The following TNRC6C variants were observed in gnomAD, a reference collection of about 807,000 sequenced individuals.
TNRC6C encodes trinucleotide repeat-containing gene 6C protein.
TNRC6C carries 20 observed loss-of-function variants against 153.7 expected under a neutral mutation model. The ratio of observed to expected loss-of-function variants is 0.13; its 90% CI spans 0.09 to 0.19. The LOEUF is 0.19. Ranked by LOEUF, TNRC6C falls within the 10% of genes least tolerant of loss-of-function variation. TNRC6C has a pLI of 1.00. For synonymous variants in TNRC6C, 811 were observed against 841.4 expected, an observed-to-expected ratio of 0.96 and a Z score of 0.63; for missense variants, 1,987 against 2,172.0, an observed-to-expected ratio of 0.91 and a Z score of 1.69.
At chr17:77,985,706 G>A (rs1202803554) in intron 1 of TNRC6C, among the ~76,000 whole-genome samples, 2 of 152,112 alleles carry the variant, frequency 1.3e-5, no homozygotes, top group Non-Finnish European at 1.5e-5. Context: ...GGTTAATCGG[G>A]CCTACTTGGA....
rs1391867684 is a variant in TNRC6C at position 78,079,176 on chromosome 17, G to A, written c.3211-219G>A. Among the ~76,000 whole-genome samples the A allele has an allele frequency of 6.6e-6, 1 of 151,976 alleles. No individual in the cohort carries two copies. Among genetic ancestry groups the A allele is most frequent in the Non-Finnish European group, 1.5e-5 (1 of 68,008 alleles). On this transcript the variant is annotated intron_variant, in intron 9 of 19. Coordinates refer to ENST00000301624, the Ensembl canonical transcript of TNRC6C. This position sits in a 1 kb window ranked among gnomAD's most constrained non-coding sequence, Gnocchi z 4.3. ...AGGCAGGAGAATCACTTGGACCCAGGAGGCAGAGGCTACAGTGAGCCAAGA... is the reference window on the plus strand; with the variant it reads ...AGGCAGGAGAATCACTTGGACCCAGAAGGCAGAGGCTACAGTGAGCCAAGA...
exon 3 of TNRC6C, chr17:78,051,357 CACT>C: frequency 1.3e-6 from 2 of 1,551,262 alleles, no homozygotes; most frequent in South Asian, 2.4e-5. Flanking sequence ...CCACCACCAC[CACT>C]ACCACGAGCA....
Position 78,075,144 on chromosome 17 carries a change from C to T in TNRC6C, c.2926C>T (p.Leu976=). ...TGTTTGTTGTGCTCCAGGCGCTCTGCTGGAAAAGAAGGTGGACGTGGACAA... is the reference window on the plus strand; with the variant it reads ...TGTTTGTTGTGCTCCAGGCGCTCTGTTGGAAAAGAAGGTGGACGTGGACAA... Residue 976 remains leucine, a synonymous_variant, in exon 8 of 20, where the codon CTG becomes TTG. Transcript: ENST00000301624. The surrounding 1 kb of genome is among the most constrained non-coding windows in gnomAD (Gnocchi z 4.2). 6.2e-7 allele frequency: 1 copy of T among 1,613,404 alleles called. No homozygotes were observed.
chr17:77,967,401 C>G, intron 1 of TNRC6C, among the ~76,000 whole-genome samples: 1 of 151,070 alleles, frequency 6.6e-6, no homozygotes, highest in African/African-American at 2.4e-5. Flanking sequence ...ACAAGTCATG[C>G]GGGGGGGGAG....
chr17:78,092,637 T>C (rs964055942), intron 14 of TNRC6C, among the ~76,000 whole-genome samples: 3 of 152,148 alleles, frequency 2.0e-5, no homozygotes, highest in African/African-American at 7.2e-5. Flanking sequence ...TCCAGCTACT[T>C]GGGAGGCCAA....
chr17:78,100,770 C>CTTTTTTTTTTT (rs56816459), intron 17 of TNRC6C, among the ~76,000 whole-genome samples: 2 of 104,026 alleles, frequency 1.9e-5, no homozygotes, highest in African/African-American at 7.7e-5. Flanking sequence ...ATGGGATTTC[C>CTTTTTTTTTTT]TTTTTTTTTT....
intron 1 of TNRC6C, among the ~76,000 whole-genome samples, chr17:77,984,751 CTG>C (rs2071135708): frequency 6.6e-6 from 1 of 152,180 alleles, no homozygotes; most frequent in Admixed American, 6.5e-5. Context: ...TACTCTCTAG[CTG>C]TGTGTTCTGT....
intron 1 of TNRC6C, among the ~76,000 whole-genome samples, chr17:78,015,990 A>C (rs2071720362): frequency 6.6e-6 from 1 of 152,158 alleles, no homozygotes; most frequent in Non-Finnish European, 1.5e-5. Flanking sequence ...TATAGAAACT[A>C]CTCTAGCTGT....
At chr17:78,042,361 A>G (rs80168456) in intron 2 of TNRC6C, among the ~76,000 whole-genome samples, 2,307 of 152,172 alleles carry the variant, frequency 0.015, 68 homozygotes, top group African/African-American at 0.053. Flanking sequence ...CTTACTGTTT[A>G]TTAGTTACAA....
intron 14 of TNRC6C, among the ~76,000 whole-genome samples, chr17:78,092,123 T>C (rs1462872481): frequency 6.6e-6 from 1 of 152,144 alleles, no homozygotes; most frequent in Admixed American, 6.5e-5. Flanking sequence ...ATGATAACCA[T>C]AGGAGGTAAT....
intron 10 of TNRC6C, among the ~76,000 whole-genome samples, chr17:78,081,510 G>A (rs1271871753): frequency 6.6e-6 from 1 of 152,072 alleles, no homozygotes; most frequent in Non-Finnish European, 1.5e-5. Flanking sequence ...TAGGATATAG[G>A]ATAAGCCACC....
chr17:77,988,029 T>TACCAGCAGTACTGTGC (rs2071196440), intron 1 of TNRC6C, among the ~76,000 whole-genome samples: 1 of 152,120 alleles, frequency 6.6e-6, no homozygotes, highest in African/African-American at 2.4e-5. Context: ...GTCAACTGTG[T>TACCAGCAGTACTGTGC]ACCAGCAGTA....
chr17:78,107,875 T>C (rs557830779), exon 20 of TNRC6C: 1 of 152,304 alleles, frequency 6.6e-6, no homozygotes, highest in South Asian at 2.1e-4. Context: ...GTAATGAGGA[T>C]TTTTTGTGTT....
exon 20 of TNRC6C, chr17:78,107,369 G>A (rs2073719588): frequency 6.6e-6 from 1 of 152,144 alleles, no homozygotes; most frequent in South Asian, 2.1e-4. Flanking sequence ...CTCATAGAAT[G>A]TGACTGTTGA....
chr17:78,000,377 C>G (rs1400324557), upstream of TNRC6C, among the ~76,000 whole-genome samples: 7 of 152,186 alleles, frequency 4.6e-5, no homozygotes, highest in African/African-American at 1.7e-4. Flanking sequence ...CCACAAAAGT[C>G]TAGCAAATAC....
intron 10 of TNRC6C, among the ~76,000 whole-genome samples, chr17:78,081,613 G>A (rs2073181785): frequency 6.6e-6 from 1 of 152,058 alleles, no homozygotes; most frequent in South Asian, 2.1e-4. Flanking sequence ...GCAGGGATCG[G>A]GGGTGACTCT....
At chr17:78,103,234 T>G (rs2073629120) in intron 18 of TNRC6C, among the ~76,000 whole-genome samples, 180 bp from the exon 22 acceptor site, 1 of 152,240 alleles carries the variant, frequency 6.6e-6, no homozygotes, top group Admixed American at 6.5e-5. Flanking sequence ...AGTTTTTAGT[T>G]ACACGTTTGG....
intron 16 of TNRC6C, among the ~76,000 whole-genome samples, chr17:78,096,873 C>T (rs930450335): frequency 6.6e-6 from 1 of 152,124 alleles, no homozygotes; most frequent in African/African-American, 2.4e-5. Context: ...AACCAAGCAG[C>T]GAGGAGCTGA....
intron 5 of TNRC6C, among the ~76,000 whole-genome samples, chr17:78,069,128 T>C (rs1054504313): frequency 1.3e-5 from 2 of 150,840 alleles, no homozygotes; most frequent in African/African-American, 2.4e-5. Context: ...AAAAGAAAAA[T>C]AGCAAACTGG....
Sources: allele counts gnomAD v4.1 joint callset (sites outside exome capture counted in the v4.1 genomes callset), GRCh38; gene constraint gnomAD v4.1.1; non-coding constraint Gnocchi (gnomAD v3.1); transcripts MANE v1.5; gene names NCBI Gene and HGNC (gene_info 2026-07-23, HGNC 2026-07-21).